Variants in PDGFB observed in about 807,000 individuals in gnomAD.
PDGFB encodes the protein platelet derived growth factor subunit B.
A neutral mutation model predicts 29.0 loss-of-function variants in PDGFB; 6 were observed. That is an observed-to-expected ratio of 0.21 (90% CI 0.11 to 0.41). PDGFB has a LOEUF of 0.41. Ranked by LOEUF, PDGFB falls within the 10% of genes least tolerant of loss-of-function variation. The pLI is 1.00. For missense variants in PDGFB, 299 were observed against 341.8 expected, an observed-to-expected ratio of 0.87 and a Z score of 0.99; for synonymous variants, 144 against 140.8, an observed-to-expected ratio of 1.02 and a Z score of -0.16.
chr22:39,230,777 G>A (rs1236084973), intron 4 of PDGFB, among the ~76,000 whole-genome samples: 3 of 152,366 alleles, frequency 2.0e-5, no homozygotes, highest in East Asian at 1.9e-4. Context: ...GAGAGGCCAC[G>A]GGCTGGTGGC....
chr22:39,225,973 TC>T, intron 5 of PDGFB, 126 bp from the exon 6 acceptor site: 1 of 1,154,986 alleles, frequency 8.7e-7, no homozygotes, highest in East Asian at 2.6e-5. Flanking sequence ...TGGACCAGGG[TC>T]CTGGGTTTGG....
chr22:39,235,116 A>G (rs1932410015), intron 2 of PDGFB, among the ~76,000 whole-genome samples: 1 of 152,226 alleles, frequency 6.6e-6, no homozygotes, highest in South Asian at 2.1e-4. Flanking sequence ...GTTCCCCCGT[A>G]GATAGCGTCT....
chr22:39,240,828 G>T, intron 1 of PDGFB: 1 of 1,612,944 alleles, frequency 6.2e-7, no homozygotes, highest in African/African-American at 1.3e-5. Flanking sequence ...GTGGGGAGGG[G>T]AAGACAAGAC....
intron 1 of PDGFB, among the ~76,000 whole-genome samples, chr22:39,236,746 G>A (rs528064441): frequency 6.6e-6 from 1 of 152,328 alleles, no homozygotes; most frequent in South Asian, 2.1e-4. Context: ...AGAAAGAGGC[G>A]AGGGCAGATG....
intron 5 of PDGFB, among the ~76,000 whole-genome samples, chr22:39,226,680 A>G (rs1422660779): frequency 6.6e-6 from 1 of 152,154 alleles, no homozygotes; most frequent in Non-Finnish European, 1.5e-5. Context: ...AGCTTGACCT[A>G]CTATTGAGGT....
chr22:39,228,905 T>G (rs58510506), intron 5 of PDGFB, among the ~76,000 whole-genome samples: 53,527 of 138,448 alleles, frequency 0.39, 11,213 homozygotes, highest in East Asian at 0.71. Flanking sequence ...TATATATATA[T>G]ATAGATATAT....
chr22:39,243,798 C>A lies in PDGFB; in HGVS notation c.63+103G>T. The A allele has an allele frequency of 1.1e-6, 1 of 901,446 alleles. No individual in the cohort carries two copies. The highest frequency in any genetic ancestry group is 1.7e-6 in the Non-Finnish European group (1 of 600,112). The allele number at this position is 901,446 out of a possible 1,614,324, so 55.8% of individuals were successfully genotyped here. On this transcript the variant is annotated intron_variant, in intron 1 of 6. Coordinates refer to ENST00000331163, the MANE Select transcript of PDGFB (RefSeq NM_002608.4). The surrounding 1 kb of genome is among the most constrained non-coding windows in gnomAD (Gnocchi z 6.4). Reference sequence around the variant, plus strand: ...CAGCGCCCGGCGTCAGGCTCGCGGGCTGCAAGGGTCCAAAGTTCACTGCAG... The same window carrying A: ...CAGCGCCCGGCGTCAGGCTCGCGGGATGCAAGGGTCCAAAGTTCACTGCAG...
At position 39,243,251 on chromosome 22, in the gene PDGFB, C is replaced by CGT. The variant is rs1569140977; in HGVS notation, c.63+648_63+649dup. 4.7e-4 allele frequency among the ~76,000 whole-genome samples: 39 copies of CGT among 83,532 alleles called. No individual in the cohort carries two copies. Among genetic ancestry groups the CGT allele is most frequent in the African/African-American group, 1.4e-3 (39 of 27,096 alleles). 54.8% of individuals were successfully genotyped at this position (83,532 alleles called of 152,430 possible). ...CCCTCTCTCTCTCCGTCTCTCTCTC[C>CGT]GTCTCTCTCTCTCTCTCTCTCTTTC... On this transcript the variant is annotated intron_variant, in intron 1 of 6. Transcript: ENST00000331163. The surrounding 1 kb of genome is among the most constrained non-coding windows in gnomAD (Gnocchi z 6.4).
chr22:39,228,335 T>C (rs892681002), intron 5 of PDGFB, among the ~76,000 whole-genome samples: 1 of 152,140 alleles, frequency 6.6e-6, no homozygotes, highest in Non-Finnish European at 1.5e-5. Flanking sequence ...ATGCCTGTAA[T>C]CCCAGCACCT....
intron 2 of PDGFB, among the ~76,000 whole-genome samples, chr22:39,233,991 G>A (rs930625781): frequency 7.0e-4 from 103 of 147,396 alleles, no homozygotes; most frequent in Admixed American, 7.4e-4. Context: ...GACAATGGCC[G>A]CGCTGGGCAG....
At position 39,244,807 on chromosome 22, in the gene PDGFB, T is replaced by A; in HGVS notation, c.-844A>T. 1 of 189,876 alleles carries A rather than the reference T, an allele frequency of 5.3e-6. No individual in the cohort carries two copies. The highest frequency in any genetic ancestry group is 1.1e-5 in the Non-Finnish European group (1 of 91,328). 11.8% of individuals were successfully genotyped at this position (189,876 alleles called of 1,614,324 possible). On this transcript the variant is annotated 5_prime_UTR_variant, in exon 1 of 7. Transcript: ENST00000331163. This position sits in a 1 kb window ranked among gnomAD's most constrained non-coding sequence, Gnocchi z 4.5. ...AGCGAGGCTGGAGGGTGGGCTTTTTTTTTTTTTTTTCCTTTTTGCGCGCGT... is the reference window on the plus strand; with the variant it reads ...AGCGAGGCTGGAGGGTGGGCTTTTTATTTTTTTTTTCCTTTTTGCGCGCGT...
At chr22:39,233,334 A>G (rs1304251300) in intron 3 of PDGFB, 101 bp downstream of exon 3, 6 of 776,552 alleles carry the variant, frequency 7.7e-6, no homozygotes, top group Admixed American at 3.0e-5. Context: ...CGGGAGTTGT[A>G]AGAGGACCCT....
chr22:39,227,257 T>G (rs571072803), intron 5 of PDGFB, among the ~76,000 whole-genome samples: 1 of 148,302 alleles, frequency 6.7e-6, no homozygotes, highest in Admixed American at 6.9e-5. Flanking sequence ...TGACACCTGG[T>G]TAATTTTTGT....
intron 5 of PDGFB, 45 bp downstream of exon 5, chr22:39,230,038 GC>G: frequency 6.3e-7 from 1 of 1,597,310 alleles, no homozygotes; most frequent in Non-Finnish European, 8.6e-7. Flanking sequence ...GCCCCCAGCT[GC>G]TGCAGGGGAA....
chr22:39,241,401 G>A (rs1000306354), intron 1 of PDGFB, among the ~76,000 whole-genome samples: 2 of 152,212 alleles, frequency 1.3e-5, no homozygotes, highest in Non-Finnish European at 2.9e-5. Flanking sequence ...CCCCATGCAG[G>A]TCCCCTCCCC....
Position 39,243,721 on chromosome 22 carries a change from T to C in PDGFB, c.63+180A>G, listed in dbSNP as rs1004365435. Among the ~76,000 whole-genome samples the C allele has an allele frequency of 1.8e-4, 27 of 151,980 alleles. No homozygotes were observed. The highest frequency in any genetic ancestry group is 4.8e-4 in the African/African-American group (20 of 41,358). The stretch of plus-strand genomic sequence containing the variant: ...GGAAAGAAAGCCACCGCTGTTGCCT[T>C]CCCTTAGAGCCTGTCACCCCCGGAC... On this transcript the variant is annotated intron_variant, in intron 1 of 6. Transcript: ENST00000331163. The surrounding 1 kb of genome is among the most constrained non-coding windows in gnomAD (Gnocchi z 6.4).
chr22:39,225,605 A>G (rs1932145154), intron 6 of PDGFB, 90 bp downstream of exon 6: 8 of 1,282,114 alleles, frequency 6.2e-6, no homozygotes, highest in South Asian at 3.0e-5. Context: ...TGGATTTTCT[A>G]TGGAAAAATC....
chr22:39,224,225 GA>G lies in PDGFB; in HGVS notation c.*1116del. ...GCCAGTCCACAAGGAGTCTTTGTGT[GA>G]ATTAGGAAAAGGATCCTTTTCCTCT... On this transcript the variant is annotated 3_prime_UTR_variant, in exon 7 of 7. Coordinates refer to ENST00000331163, the MANE Select transcript of PDGFB (RefSeq NM_002608.4). 1 of 152,330 alleles carries G rather than the reference GA, an allele frequency of 6.6e-6. No individual in the cohort carries two copies. Among genetic ancestry groups the G allele is most frequent in the Admixed American group, 6.5e-5 (1 of 15,304 alleles). The allele number at this position is 152,330 out of a possible 1,614,324, so 9.4% of individuals were successfully genotyped here.
intron 1 of PDGFB, among the ~76,000 whole-genome samples, chr22:39,241,987 T>C (rs1932577699): frequency 6.6e-6 from 1 of 151,900 alleles, no homozygotes; most frequent in Non-Finnish European, 1.5e-5. Context: ...ATGGGGCCGC[T>C]ACAGAGGTGG....
Sources: gnomAD v4.1 joint callset for allele counts (sites outside exome capture counted in the v4.1 genomes callset) on GRCh38, gnomAD v4.1.1 for gene constraint, Gnocchi (gnomAD v3.1) non-coding constraint, MANE v1.5 for transcripts, NCBI Gene and HGNC (gene_info 2026-07-23, HGNC 2026-07-21) for gene names.